PCDHA1: variants seen among roughly 807,000 people sequenced by gnomAD.
PCDHA1 encodes protocadherin alpha 1.
A neutral mutation model predicts 61.3 loss-of-function variants in PCDHA1; 42 were observed. The ratio of observed to expected loss-of-function variants is 0.69; its 90% CI spans 0.54 to 0.89. The LOEUF (loss-of-function observed/expected upper bound fraction) is 0.89. Ranked by LOEUF, PCDHA1 falls within the 40% of genes least tolerant of loss-of-function variation. The probability of loss-of-function intolerance (pLI) is 0.00; values close to 1 mark genes in which losing one functional copy is unlikely to be tolerated. For synonymous variants in PCDHA1, 610 were observed against 553.8 expected (o/e 1.10, Z -1.43); for missense variants, 1,256 against 1,235.3 (o/e 1.02, Z -0.25).
chr5:140,796,620 G>A (rs1762111531), intron 1 of PCDHA1: 7 of 1,612,388 alleles, frequency 4.3e-6, no homozygotes, highest in Non-Finnish European at 5.1e-6. Context: ...TGACGCTGCA[G>A]GTGTTCGTGC....
In PCDHA1 at chr5:140,857,461, C is replaced by T. The variant is rs1554150068; in HGVS notation, c.2394+68777C>T. 9 of 1,598,524 alleles carry T rather than the reference C, an allele frequency of 5.6e-6. 1 individual carries two copies. Among genetic ancestry groups the T allele is most frequent in the Non-Finnish European group, 7.7e-6 (9 of 1,167,928 alleles). On this transcript the variant is annotated intron_variant, in intron 1 of 3. Transcript: ENST00000504120. ...TGAAGGAGAACAACCCGCCAGGCTG[C>T]CACATCTTCACGGTGTCTGCGTGGG...
rs1347571265 is a variant in PCDHA1, at chr5:140,848,315, C to T, written c.2394+59631C>T. On this transcript the variant is annotated intron_variant, in intron 1 of 3. Transcript: ENST00000504120. ...GGCCACGTGATGTCACTCTTTGCCG[C>T]GATGTTCTCTCTGAATCCAGACAAA... is the stretch of plus-strand genomic sequence containing the variant. 5.4e-6 allele frequency: 4 copies of T among 741,056 alleles called. 1 individual carries two copies. Among genetic ancestry groups the T allele is most frequent in the East Asian group, 5.0e-5 (2 of 40,334 alleles). 45.9% of individuals were successfully genotyped at this position (741,056 alleles called of 1,614,324 possible).
chr5:140,862,537 C>G (rs56017024), intron 1 of PCDHA1: 1 of 440,558 alleles, frequency 2.3e-6, no homozygotes, highest in Non-Finnish European at 4.6e-6. Context: ...CCATCGGGTC[C>G]GTGGAAGTGG....
intron 1 of PCDHA1, chr5:140,928,939 T>G (rs367874769): frequency 6.2e-7 from 1 of 1,614,012 alleles, no homozygotes; most frequent in African/African-American, 1.3e-5. Context: ...CCAGAACTTG[T>G]ATTTAGTAAT....
chr5:140,914,377 G>C (rs2076685968), intron 1 of PCDHA1, among the ~76,000 whole-genome samples: 1 of 152,090 alleles, frequency 6.6e-6, no homozygotes, highest in Non-Finnish European at 1.5e-5. Flanking sequence ...TATTTTATCT[G>C]TTATAAGTGT....
At chr5:140,868,281 T>G (rs2050378347) in intron 1 of PCDHA1, 1 of 152,066 alleles carries the variant, frequency 6.6e-6, no homozygotes, top group Non-Finnish European at 1.5e-5. Flanking sequence ...AACTACCAAG[T>G]TTGAGAATAT....
chr5:140,871,533 G>T, intron 1 of PCDHA1: 1 of 1,516,446 alleles, frequency 6.6e-7, no homozygotes, highest in Non-Finnish European at 8.8e-7. Flanking sequence ...GGAAGTGTAT[G>T]TGAAATTATT....
chr5:140,818,634 C>A (rs1380205811), intron 1 of PCDHA1, among the ~76,000 whole-genome samples: 1 of 152,108 alleles, frequency 6.6e-6, no homozygotes, highest in Non-Finnish European at 1.5e-5. Context: ...CCCAGGAGTT[C>A]AAGATGAGCC....
chr5:140,928,904 G>T, intron 1 of PCDHA1: 1 of 1,614,180 alleles, frequency 6.2e-7, no homozygotes, highest in Non-Finnish European at 8.5e-7. Flanking sequence ...GAAGATGTCT[G>T]GGAACCAGGA....
intron 1 of PCDHA1, chr5:140,823,708 C>A: frequency 6.2e-7 from 1 of 1,613,946 alleles, no homozygotes; most frequent in Non-Finnish European, 8.5e-7. Context: ...ACCGCGCCAC[C>A]GCCTTCTGGT....
chr5:140,875,497 C>T, intron 1 of PCDHA1: 1 of 1,613,256 alleles, frequency 6.2e-7, no homozygotes, highest in Non-Finnish European at 8.5e-7. Flanking sequence ...ACCAAGAGGC[C>T]CGGGATCCCA....
At chr5:140,796,341 G>T in intron 1 of PCDHA1, 1 of 1,614,096 alleles carries the variant, frequency 6.2e-7, no homozygotes. Context: ...CACAGCCTGA[G>T]TACACAGTAT....
At chr5:140,851,968 C>G (rs1409588887) in intron 1 of PCDHA1, 2 of 976,644 alleles carry the variant, frequency 2.0e-6, no homozygotes, top group African/African-American at 3.5e-5. Flanking sequence ...GTTTTCCACA[C>G]TCTACCTTTA....
At chr5:140,902,560 G>A (rs558432897) in intron 1 of PCDHA1, among the ~76,000 whole-genome samples, 1 of 151,954 alleles carries the variant, frequency 6.6e-6, no homozygotes, top group African/African-American at 2.4e-5. Flanking sequence ...CCAGATTTTT[G>A]AGGGTTTTTA....
chr5:140,812,105 AG>A (rs2126635357), intron 1 of PCDHA1: 2 of 151,698 alleles, frequency 1.3e-5, no homozygotes, highest in South Asian at 2.1e-4. Context: ...CTTCTTTAAA[AG>A]TTTGGTAGAA....
chr5:140,856,141 C>T (rs782290263), intron 1 of PCDHA1: 3 of 1,598,260 alleles, frequency 1.9e-6, no homozygotes, highest in Middle Eastern at 1.7e-4. Context: ...GCCAGCTCCA[C>T]TACTCAGTCT....
intron 1 of PCDHA1, among the ~76,000 whole-genome samples, chr5:140,831,452 T>G (rs1554133237): frequency 6.6e-6 from 1 of 150,554 alleles, no homozygotes; most frequent in African/African-American, 2.4e-5. Context: ...CTCGAATGCC[T>G]GGGCTCAAGT....
intron 3 of PCDHA1, among the ~76,000 whole-genome samples, chr5:141,007,495 G>T (rs2098332812): frequency 6.6e-6 from 1 of 151,988 alleles, no homozygotes; most frequent in Non-Finnish European, 1.5e-5. Flanking sequence ...TTGGACCTAG[G>T]AGGCAGAGAC....
At chr5:140,800,574 A>G (rs6871155) in intron 1 of PCDHA1, among the ~76,000 whole-genome samples, 8,183 of 152,286 alleles carry the variant, frequency 0.054, 725 homozygotes, top group African/African-American at 0.19. Context: ...CTTGGGTGGT[A>G]AAGAGGTTAA....
Sources: allele counts gnomAD v4.1 joint callset (sites outside exome capture counted in the v4.1 genomes callset), GRCh38; gene constraint gnomAD v4.1.1; transcripts MANE v1.5; gene names NCBI Gene and HGNC (gene_info 2026-07-23, HGNC 2026-07-21).